The following TNK2 variants were observed in gnomAD, a reference collection of about 807,000 sequenced individuals.
The protein encoded by TNK2 is tyrosine kinase non receptor 2, also known as activated CDC42 kinase 1.
TNK2 carries 83 observed loss-of-function variants against 101.8 expected under a neutral mutation model. That is an observed-to-expected ratio of 0.82 (90% CI 0.68 to 0.98). TNK2 has a LOEUF of 0.98. Among genes scored for constraint, TNK2 ranks in the 50% least tolerant of loss-of-function variants. The pLI is 0.00. For missense variants in TNK2, 1,665 were observed against 1,483.2 expected (o/e 1.12, Z -2.01); for synonymous variants, 804 against 633.0 (o/e 1.27, Z -4.06).
intron 4 of TNK2, 97 bp downstream of exon 4, chr3:195,884,715 T>A: frequency 8.8e-7 from 1 of 1,136,770 alleles, no homozygotes; most frequent in Non-Finnish European, 1.2e-6. Context: ...CTGTGACGCA[T>A]CCCCAGTCCC....
rs1760499793 is a variant in TNK2 at position 195,896,331 on chromosome 3, ACCT to A, written c.-18-7728_-18-7726del. The stretch of plus-strand genomic sequence containing the variant: ...GGGCAGAGGAGAGACAGATGCTGTG[ACCT>A]CTCCTCCCCACGCAGCGTCAAGGCT... On this transcript the variant is annotated intron_variant, in intron 1 of 15. Transcript: ENST00000672887. The A allele has an allele frequency of 9.8e-6, 3 of 307,142 alleles. No individual in the cohort carries two copies. In the Admixed American group the frequency reaches 1.4e-4, roughly 14 times the overall value. The allele number at this position is 307,142 out of a possible 1,614,324, so 19.0% of individuals were successfully genotyped here. A position where few individuals can be genotyped will look rare whatever the true frequency, so the allele number is the denominator to read the frequency against.
At chr3:195,887,149 C>T in intron 2 of TNK2, 102 bp from the exon 3 acceptor site, 7 of 1,152,030 alleles carry the variant, frequency 6.1e-6, no homozygotes, top group Non-Finnish European at 7.6e-6. Context: ...CTAGACACCG[C>T]CCACCCGATG....
At chr3:195,879,692 G>A (rs1751314694) in intron 6 of TNK2, among the ~76,000 whole-genome samples, 1 of 152,166 alleles carries the variant, frequency 6.6e-6, no homozygotes, top group Non-Finnish European at 1.5e-5. Flanking sequence ...AGGGGGAAGT[G>A]CCACTGCAGT....
In TNK2 at chr3:195,867,895, A is replaced by C; in HGVS notation, c.2403T>G (p.Pro801=). The C allele has an allele frequency of 6.5e-7, 1 of 1,528,736 alleles. No homozygotes were observed. The highest frequency in any genetic ancestry group is 2.3e-5 in the East Asian group (1 of 43,748). 94.7% of individuals were successfully genotyped at this position (1,528,736 alleles called of 1,614,324 possible). A position where few individuals can be genotyped will look rare whatever the true frequency, so the allele number is the denominator to read the frequency against. Residue 801 remains proline (P), a synonymous_variant, in exon 13 of 16, where the codon CCT becomes CCG. Coordinates refer to ENST00000672887, the MANE Select transcript of TNK2 (RefSeq NM_001382273.1). ...GGGGGCTGGGTGTCCTCGAGCCTTG[A>C]GGGGACAGGGGCTCCCGCGGAGGCA... ...PRVPPREPLS[P]QGSRTPSPLV... is the part of the protein sequence containing the mutation.
chr3:195,867,898 G>T lies in TNK2; in HGVS notation c.2400C>A (p.Ser800=), dbSNP rs768435264. 2.0e-6 allele frequency: 3 copies of T among 1,532,970 alleles called. No individual in the cohort carries two copies. The highest frequency in any genetic ancestry group is 1.3e-5 in the South Asian group (1 of 78,472). The allele number at this position is 1,532,970 out of a possible 1,614,324, so 95.0% of individuals were successfully genotyped here. ...GGCTGGGTGTCCTCGAGCCTTGAGG[G>T]GACAGGGGCTCCCGCGGAGGCACCC... ...PPRVPPREPL[S]PQGSRTPSPL... is the part of the protein sequence containing the mutation. Residue 800 remains serine (S), a synonymous_variant, in exon 13 of 16, where the codon TCC becomes TCA. Transcript: ENST00000672887.
Position 195,868,362 on chromosome 3 carries a change from G to A in TNK2, c.1936C>T (p.Pro646Ser), listed in dbSNP as rs1277234468. ...VVDWDARPLP[P>S]PPAYDDVAQD... is the part of the protein sequence containing the mutation. ...GCCACGTCGTCATAGGCGGGCGGGG[G>A]GGGCAGCGGGCGTGCGTCCCAGTCC... Residue 646 changes from proline to serine, a missense_variant, in exon 13 of 16, where the codon CCC becomes TCC. Transcript: ENST00000672887. 3 of 1,597,782 alleles carry A rather than the reference G, an allele frequency of 1.9e-6. No individual in the cohort carries two copies. Among genetic ancestry groups the A allele is most frequent in the Admixed American group, 1.7e-5 (1 of 59,652 alleles).
chr3:195,865,579 T>G (rs550858922), intron 15 of TNK2, among the ~76,000 whole-genome samples: 9 of 131,078 alleles, frequency 6.9e-5, no homozygotes, highest in South Asian at 2.5e-4. Flanking sequence ...CCCGAGACAG[T>G]GACAGACAGG....
intron 1 of TNK2, among the ~76,000 whole-genome samples, chr3:195,906,895 G>C (rs780459394): frequency 6.6e-6 from 1 of 152,234 alleles, no homozygotes; most frequent in East Asian, 1.9e-4. Context: ...CCGGGGCTCC[G>C]GGGAGGTGGG....
chr3:195,884,699 G>C, intron 4 of TNK2, 113 bp downstream of exon 4: 1 of 944,736 alleles, frequency 1.1e-6, no homozygotes, highest in African/African-American at 1.7e-5. Context: ...TCTGGGATGA[G>C]CCACACTGTG....
chr3:195,896,144 T>C (rs1760452299), intron 1 of TNK2: 1 of 455,214 alleles, frequency 2.2e-6, no homozygotes, highest in Non-Finnish European at 4.4e-6. Context: ...CGCCCAGCAC[T>C]GGCGCGAGGC....
At position 195,887,037 on chromosome 3, in the gene TNK2, C is replaced by A; in HGVS notation, c.174G>T (p.Arg58=). ...KIGMGRPGQR[R]LWEAVKRRKA... ...TCCTCCTCTTCACAGCCTCCCACAG[C>A]CGCCGCTGGCCTGCAGGGAGAGCGG... The change falls in exon 3 of 16, where the codon CGG becomes CGT. Residue 58 remains arginine, a synonymous_variant. Transcript: ENST00000672887. The A allele has an allele frequency of 3.1e-6, 5 of 1,614,218 alleles. No individual in the cohort carries two copies. The highest frequency in any genetic ancestry group is 4.2e-6 in the Non-Finnish European group (5 of 1,180,030).
chr3:195,874,959 A>G (rs866199513), intron 9 of TNK2, among the ~76,000 whole-genome samples: 299 of 1,438 alleles, frequency 0.21, 19 homozygotes, highest in South Asian at 0.46. Flanking sequence ...GCCCACGCAC[A>G]CTCCGAGGCA....
chr3:195,873,580 T>G (rs1219631914), intron 9 of TNK2, among the ~76,000 whole-genome samples: 2 of 152,002 alleles, frequency 1.3e-5, no homozygotes, highest in Admixed American at 6.6e-5. Flanking sequence ...TGGACACGTG[T>G]GGCACCACAC....
chr3:195,882,637 C>T lies in TNK2; in HGVS notation c.610-309G>A. 1 of 873,632 alleles carries T rather than the reference C, an allele frequency of 1.1e-6. No homozygotes were observed. Among genetic ancestry groups the T allele is most frequent in the Non-Finnish European group, 1.7e-6 (1 of 594,952 alleles). The allele number at this position is 873,632 out of a possible 1,614,324, so 54.1% of individuals were successfully genotyped here. On this transcript the variant is annotated intron_variant, in intron 5 of 15. Coordinates refer to ENST00000672887, the MANE Select transcript of TNK2 (RefSeq NM_001382273.1). The surrounding 1 kb of genome is among the most constrained non-coding windows in gnomAD (Gnocchi z 4.2). Reference sequence around the variant, plus strand: ...CTTTGGGAGGCCGAGGTGGGTGGATCATTTGAGGTCAGGAGTTTGAGACCA... The same window carrying T: ...CTTTGGGAGGCCGAGGTGGGTGGATTATTTGAGGTCAGGAGTTTGAGACCA...
Position 195,886,830 on chromosome 3 carries a change from C to A in TNK2, c.234+147G>T, listed in dbSNP as rs1247967764. 1.5e-5 allele frequency: 13 copies of A among 847,554 alleles called. 1 individual carries two copies. In the South Asian group the frequency reaches 1.8e-4, roughly 12 times the overall value. The allele number at this position is 847,554 out of a possible 1,614,324, so 52.5% of individuals were successfully genotyped here. A position where few individuals can be genotyped will look rare whatever the true frequency, so the allele number is the denominator to read the frequency against. On this transcript the variant is annotated intron_variant, in intron 3 of 15. Coordinates refer to ENST00000672887, the MANE Select transcript of TNK2 (RefSeq NM_001382273.1). This position sits in a 1 kb window ranked among gnomAD's most constrained non-coding sequence, Gnocchi z 4.2. ...TCTACAAGTGCCCTGCCCGATAAGACCCTGGACGAGGGGGTCCTGTACAAA... is the reference window on the plus strand; with the variant it reads ...TCTACAAGTGCCCTGCCCGATAAGAACCTGGACGAGGGGGTCCTGTACAAA...
At chr3:195,870,973 G>GGGGTTCTGGTGTGTGGGGGCCCGCTGGGT (rs1744806129) in intron 10 of TNK2, among the ~76,000 whole-genome samples, 1 of 129,298 alleles carries the variant, frequency 7.7e-6, no homozygotes, top group African/African-American at 2.8e-5. Context: ...CTCGCTGTGT[G>GGGGTTCTGGTGTGTGGGGGCCCGCTGGGT]GGGTTCTGGT....
rs146640916 is a variant in TNK2 at position 195,866,984 on chromosome 3, G to A, written c.3066C>T (p.Pro1022=). 5.6e-5 allele frequency: 91 copies of A among 1,613,076 alleles called. No individual in the cohort carries two copies. In the African/African-American group the frequency reaches 1.1e-3, roughly 19 times the overall value. The change falls in exon 15 of 16, where the codon CCC becomes CCT. Residue 1022 remains proline (P), a synonymous_variant. Transcript: ENST00000672887. ...VEQLFGLGLR[P]RGECHKVLEM... is the part of the protein sequence containing the mutation. Reference sequence around the variant, plus strand: ...CCAGCACTTTGTGGCACTCCCCTCTGGGCCGCAGACCCAGCCCGAAGAGCT... The same window carrying A: ...CCAGCACTTTGTGGCACTCCCCTCTAGGCCGCAGACCCAGCCCGAAGAGCT...
At chr3:195,883,128 G>GCCCCCCCCCAC in intron 5 of TNK2, 29 bp downstream of exon 5, 2 of 1,591,860 alleles carry the variant, frequency 1.3e-6, no homozygotes, top group Non-Finnish European at 1.7e-6. Context: ...CCCTCTCCCT[G>GCCCCCCCCCAC]CCCGCCCCCT....
chr3:195,879,364 C>T (rs993411936), intron 6 of TNK2, 189 bp from the exon 7 acceptor site: 10 of 757,080 alleles, frequency 1.3e-5, no homozygotes, highest in Non-Finnish European at 1.8e-5. Context: ...TTGGGGAAAT[C>T]GTCTAAGCCC....
Sources: gnomAD v4.1 joint callset for allele counts (sites outside exome capture counted in the v4.1 genomes callset) on GRCh38, gnomAD v4.1.1 for gene constraint, Gnocchi (gnomAD v3.1) non-coding constraint, MANE v1.5 for transcripts, NCBI Gene and HGNC (gene_info 2026-07-23, HGNC 2026-07-21) for gene names.